ABTB2: variants seen among roughly 807,000 people sequenced by gnomAD.
ABTB2 encodes ankyrin repeat and BTB/POZ domain-containing protein 2.
A neutral mutation model predicts 104.1 loss-of-function variants in ABTB2; 56 were observed. That is an observed-to-expected ratio of 0.54 (90% CI 0.43 to 0.67). The LOEUF is 0.67. Among genes scored for constraint, ABTB2 ranks in the 30% least tolerant of loss-of-function variants. The pLI is 0.00. For missense variants in ABTB2, 1,279 were observed against 1,407.7 expected (o/e 0.91, Z 1.46); for synonymous variants, 606 against 608.2 (o/e 1.00, Z 0.05).
chr11:34,160,856 C>A, intron 11 of ABTB2, 47 bp downstream of exon 11: 2 of 1,553,042 alleles, frequency 1.3e-6, no homozygotes, highest in South Asian at 2.4e-5. Context: ...GTCCCGTGGT[C>A]TGAGTCTGGG....
chr11:34,316,728 C>T (rs547323565), intron 1 of ABTB2, among the ~76,000 whole-genome samples: 24 of 152,198 alleles, frequency 1.6e-4, no homozygotes, highest in South Asian at 8.3e-4. Flanking sequence ...TGATAAAAAC[C>T]GCACCAATAA....
intron 3 of ABTB2, among the ~76,000 whole-genome samples, chr11:34,181,267 AAAC>A: frequency 6.6e-6 from 1 of 152,104 alleles, no homozygotes; most frequent in African/African-American, 2.4e-5. Flanking sequence ...CAAACAAAAA[AAAC>A]AACCCTGTTG....
intron 1 of ABTB2, among the ~76,000 whole-genome samples, chr11:34,209,838 G>A (rs1853459299): frequency 9.1e-6 from 1 of 109,944 alleles, no homozygotes; most frequent in Non-Finnish European, 1.9e-5. Flanking sequence ...GGGGTGAGGG[G>A]TTGGGGTGGG....
chr11:34,183,792 T>C (rs1055287072), intron 3 of ABTB2, among the ~76,000 whole-genome samples: 6 of 152,220 alleles, frequency 3.9e-5, no homozygotes, highest in African/African-American at 9.6e-5. Context: ...AACTTCATTT[T>C]TGAATTTATA....
intron 1 of ABTB2, among the ~76,000 whole-genome samples, chr11:34,224,160 A>C (rs1405066246): frequency 6.6e-6 from 1 of 152,156 alleles, no homozygotes; most frequent in Non-Finnish European, 1.5e-5. Context: ...CTACAAGTGT[A>C]TGCCACCACA....
At chr11:34,184,036 G>C (rs1853062011) in intron 3 of ABTB2, among the ~76,000 whole-genome samples, 1 of 151,420 alleles carries the variant, frequency 6.6e-6, no homozygotes, top group Non-Finnish European at 1.5e-5. Flanking sequence ...TCCCATCTCA[G>C]CCACCAGGCC....
intron 3 of ABTB2, among the ~76,000 whole-genome samples, chr11:34,194,218 A>C (rs1853218515): frequency 6.6e-6 from 1 of 152,166 alleles, no homozygotes; most frequent in South Asian, 2.1e-4. Context: ...TCCCTCTCCC[A>C]TGTGTGCAAG....
chr11:34,332,421 C>T (rs553448631), intron 1 of ABTB2, among the ~76,000 whole-genome samples: 1 of 152,160 alleles, frequency 6.6e-6, no homozygotes, highest in African/African-American at 2.4e-5. Context: ...CAAAATTATT[C>T]CCTCCGAAAA....
At chr11:34,282,893 T>C (rs750949012) in intron 1 of ABTB2, among the ~76,000 whole-genome samples, 5 of 151,234 alleles carry the variant, frequency 3.3e-5, no homozygotes, top group Non-Finnish European at 7.4e-5. Context: ...GCATTAGTTA[T>C]AAAATTTTAA....
intron 1 of ABTB2, among the ~76,000 whole-genome samples, chr11:34,230,148 A>G (rs2957524): frequency 0.7 from 106,181 of 152,088 alleles, 37,138 homozygotes; most frequent in Middle Eastern, 0.8. Context: ...ATGCATGCGC[A>G]AACACACCCT....
chr11:34,340,382 C>T (rs189589723), intron 1 of ABTB2, among the ~76,000 whole-genome samples: 27 of 152,334 alleles, frequency 1.8e-4, no homozygotes, highest in African/African-American at 5.5e-4. Context: ...CCATTTAATT[C>T]GCACAACCAG....
intron 1 of ABTB2, among the ~76,000 whole-genome samples, chr11:34,334,075 C>T (rs1055300022): frequency 1.3e-5 from 2 of 149,732 alleles, no homozygotes; most frequent in African/African-American, 4.9e-5. Flanking sequence ...ACGATGGAAA[C>T]AGAAAGGTCT....
At chr11:34,238,866 G>T (rs1853878170) in intron 1 of ABTB2, among the ~76,000 whole-genome samples, 1 of 152,142 alleles carries the variant, frequency 6.6e-6, no homozygotes, top group South Asian at 2.1e-4. Flanking sequence ...CCATTCTCCT[G>T]CTTCCGCCTC....
At chr11:34,335,909 GA>G in intron 1 of ABTB2, 1 of 744,366 alleles carries the variant, frequency 1.3e-6, no homozygotes, top group South Asian at 1.7e-5. Flanking sequence ...TCCTGCGGTT[GA>G]AAAGGCTTTG....
chr11:34,194,561 T>A (rs1420434499), intron 3 of ABTB2, among the ~76,000 whole-genome samples: 2 of 141,486 alleles, frequency 1.4e-5, no homozygotes, highest in Non-Finnish European at 3.1e-5. Flanking sequence ...GGGGCCTTGA[T>A]GGGACATTGG....
intron 1 of ABTB2, among the ~76,000 whole-genome samples, chr11:34,340,174 C>T (rs531237844): frequency 6.6e-6 from 1 of 152,256 alleles, no homozygotes; most frequent in Admixed American, 6.5e-5. Flanking sequence ...TCACTTTACA[C>T]ACTAAACCCC....
rs371759281 is a variant in ABTB2, at chr11:34,299,596, A to G, written c.883+57105T>C. On this transcript the variant is annotated intron_variant, in intron 1 of 16. Transcript: ENST00000435224. ...CTGCCAGCCCACCACTCCTGATGGG[A>G]CATTTTAAACCAGCACATGAACCCT... Among the ~76,000 whole-genome samples the G allele has an allele frequency of 3.9e-5, 6 of 152,310 alleles. No individual in the cohort carries two copies. In the East Asian group the frequency reaches 5.8e-4, roughly 15 times the overall value.
rs1065138 is a variant in ABTB2, at chr11:34,357,733, G to A, written c.-150C>T. 82,722 of 870,190 alleles carry A rather than the reference G, an allele frequency of 0.095. 4,476 individuals are homozygous for A. Among genetic ancestry groups the A allele is most frequent in the Middle Eastern group, 0.2 (538 of 2,672 alleles). The allele number at this position is 870,190 out of a possible 1,614,324, so 53.9% of individuals were successfully genotyped here. On this transcript the variant is annotated 5_prime_UTR_variant, in exon 1 of 17. Transcript: ENST00000435224. ...GGCTCGGCGGCCGCATTGCCTGCCC[G>A]GAGGCCGCGGGAAGGTGGCCGAGAT...
intron 1 of ABTB2, among the ~76,000 whole-genome samples, chr11:34,212,969 C>T (rs1412366314): frequency 1.3e-5 from 2 of 152,216 alleles, no homozygotes; most frequent in African/African-American, 2.4e-5. Context: ...GGCCAGCAAC[C>T]CCAATTTTCC....
Sources: gnomAD v4.1 joint callset for allele counts (sites outside exome capture counted in the v4.1 genomes callset) on GRCh38, gnomAD v4.1.1 for gene constraint, MANE v1.5 for transcripts, NCBI Gene and HGNC (gene_info 2026-07-23, HGNC 2026-07-21) for gene names.